Variants in HMGXB4 observed in about 807,000 individuals in gnomAD.
HMGXB4 encodes the protein HMG domain-containing protein 4.
HMGXB4 carries 27 observed loss-of-function variants against 63.9 expected under a neutral mutation model. That is an observed-to-expected ratio of 0.42 (90% confidence interval 0.31 to 0.58). The LOEUF (loss-of-function observed/expected upper bound fraction) is 0.58, where lower values mean the gene tolerates loss of function less well. Among genes scored for constraint, HMGXB4 ranks in the 20% least tolerant of loss-of-function variants. The pLI is 0.13. For missense variants in HMGXB4, 624 were observed against 700.7 expected, an observed-to-expected ratio of 0.89 and a Z score of 1.24; for synonymous variants, 264 against 265.3, an observed-to-expected ratio of 0.99 and a Z score of 0.05.
intron 2 of HMGXB4, 25 bp downstream of exon 2, chr22:35,262,446 A>T (rs773851793): frequency 3.7e-6 from 6 of 1,609,160 alleles, no homozygotes; most frequent in Non-Finnish European, 3.4e-6. Flanking sequence ...TCTGAGAAGC[A>T]TTCCAAAGGG....
chr22:35,246,461 G>A, the HMGXB4 span, among the ~76,000 whole-genome samples: 1 of 152,092 alleles, frequency 6.6e-6, no homozygotes, highest in Non-Finnish European at 1.5e-5. Flanking sequence ...TTTTAGTAGA[G>A]GCGGGGTTTC....
the HMGXB4 span, among the ~76,000 whole-genome samples, chr22:35,245,139 G>A: frequency 6.6e-5 from 10 of 151,926 alleles, no homozygotes; most frequent in East Asian, 3.9e-4. Context: ...CCCAAAATGC[G>A]GGGACTACAG....
At chr22:35,263,668 T>G in intron 3 of HMGXB4, 128 bp from the exon 4 acceptor site, 1 of 678,108 alleles carries the variant, frequency 1.5e-6, no homozygotes, top group Non-Finnish European at 2.7e-6. Context: ...AATAAAACGT[T>G]ATGCACATCT....
chr22:35,278,831 T>C (rs368503494), intron 5 of HMGXB4, among the ~76,000 whole-genome samples: 1 of 141,300 alleles, frequency 7.1e-6, no homozygotes, highest in African/African-American at 2.8e-5. Flanking sequence ...TAATTTTTTG[T>C]AAAGTTGGAG....
At chr22:35,255,984 A>G (rs754657876), upstream of HMGXB4, among the ~76,000 whole-genome samples, 3 of 152,250 alleles carry the variant, frequency 2.0e-5, no homozygotes, top group Non-Finnish European at 4.4e-5. Flanking sequence ...AAGTATTTGC[A>G]GTTACATTTT....
At chr22:35,263,526 A>G (rs1242710479) in intron 3 of HMGXB4, among the ~76,000 whole-genome samples, 1 of 151,794 alleles carries the variant, frequency 6.6e-6, no homozygotes, top group Non-Finnish European at 1.5e-5. Context: ...CAAATGATTC[A>G]CCTGCCTCCG....
chr22:35,252,298 G>C, the HMGXB4 span, among the ~76,000 whole-genome samples: 1 of 152,206 alleles, frequency 6.6e-6, no homozygotes, highest in Non-Finnish European at 1.5e-5. Flanking sequence ...ATTGCTAACT[G>C]TTGTATAGCT....
intron 4 of HMGXB4, 54 bp from the exon 5 acceptor site, chr22:35,264,594 T>G (rs1035835587): frequency 1.1e-5 from 14 of 1,285,724 alleles, no homozygotes; most frequent in Middle Eastern, 2.6e-4. Flanking sequence ...GAGAGGAAAC[T>G]TGTTAGAAGT....
chr22:35,257,042 T>C (rs1327817145), upstream of HMGXB4, among the ~76,000 whole-genome samples: 1 of 152,264 alleles, frequency 6.6e-6, no homozygotes, highest in African/African-American at 2.4e-5. Context: ...CAAATGTAGA[T>C]GCTGAAGTCC....
chr22:35,267,517 A>G (rs1338743289), intron 5 of HMGXB4, among the ~76,000 whole-genome samples: 31 of 152,172 alleles, frequency 2.0e-4, no homozygotes, highest in Non-Finnish European at 1.5e-5. Context: ...GCAGCAGAGT[A>G]AAATAACTAT....
Position 35,265,176 on chromosome 22 carries a change from G to T in HMGXB4, c.788G>T (p.Gly263Val). Residue 263 changes from glycine (G) to valine (V), a missense_variant, in exon 5 of 11, where the codon GGC becomes GTC. Gly to Val is a moderately radical substitution (Grantham distance 109). Transcript: ENST00000216106. ...TCCTCAGACGCACATTCATCTCCTGGCCCTGAAGGCTGTGGGTCTGACGCC... is the reference window on the plus strand; with the variant it reads ...TCCTCAGACGCACATTCATCTCCTGTCCCTGAAGGCTGTGGGTCTGACGCC... ...KSSSDAHSSPGPEGCGSDASQ... is the reference protein window; with the variant it reads ...KSSSDAHSSPVPEGCGSDASQ... 2 of 1,614,034 alleles carry T rather than the reference G, an allele frequency of 1.2e-6. No individual in the cohort carries two copies. Among genetic ancestry groups the T allele is most frequent in the South Asian group, 1.1e-5 (1 of 91,068 alleles).
intron 5 of HMGXB4, among the ~76,000 whole-genome samples, chr22:35,280,543 C>A (rs1924184421): frequency 6.6e-6 from 1 of 152,202 alleles, no homozygotes; most frequent in Non-Finnish European, 1.5e-5. Flanking sequence ...CTTCCCCGCA[C>A]TCCTGCAGCA....
intron 8 of HMGXB4, 110 bp downstream of exon 8, chr22:35,287,562 G>T: frequency 1.4e-6 from 1 of 701,824 alleles, no homozygotes. Context: ...TTGATTCCCA[G>T]GTATTATTAC....
At position 35,272,309 on chromosome 22, in the gene HMGXB4, C is replaced by T. The variant is rs190221984; in HGVS notation, c.1215+6706C>T. On this transcript the variant is annotated intron_variant, in intron 5 of 10. Transcript: ENST00000216106. ...GATCAGGGGTTGAGGAAAGAGTGAG[C>T]GGTGTGGAAGTGAACGCAGCAGCGG... is the stretch of plus-strand genomic sequence containing the variant. Among the ~76,000 whole-genome samples the T allele has an allele frequency of 3.0e-4, 46 of 152,064 alleles. No homozygotes were observed. In the East Asian group the frequency reaches 8.5e-3, roughly 28 times the overall value.
chr22:35,247,136 T>C, the HMGXB4 span, among the ~76,000 whole-genome samples: 2 of 152,210 alleles, frequency 1.3e-5, no homozygotes, highest in Admixed American at 6.5e-5. Context: ...AATTTTACCT[T>C]GTTTGGGCAC....
chr22:35,289,168 C>T (rs944634498), intron 9 of HMGXB4, among the ~76,000 whole-genome samples: 6 of 149,138 alleles, frequency 4.0e-5, no homozygotes, highest in East Asian at 2.0e-4. Flanking sequence ...GAAAGAAAAA[C>T]GCAGTGGTGG....
At chr22:35,278,788 A>G (rs1601636567) in intron 5 of HMGXB4, among the ~76,000 whole-genome samples, 2 of 151,414 alleles carry the variant, frequency 1.3e-5, no homozygotes, top group East Asian at 3.9e-4. Flanking sequence ...AGCTGGGGCT[A>G]CAAGCATGCA....
At chr22:35,274,038 G>C (rs893518093) in intron 5 of HMGXB4, among the ~76,000 whole-genome samples, 1 of 152,172 alleles carries the variant, frequency 6.6e-6, no homozygotes, top group Non-Finnish European at 1.5e-5. Flanking sequence ...ATCCTCCCAG[G>C]CAGTAAGGAC....
intron 1 of HMGXB4, among the ~76,000 whole-genome samples, chr22:35,259,775 G>A (rs1041959551): frequency 6.6e-6 from 1 of 152,184 alleles, no homozygotes; most frequent in Non-Finnish European, 1.5e-5. Flanking sequence ...TGAATTGGAC[G>A]TGTCTTCAGG....
Sources: gnomAD v4.1 joint callset for allele counts (sites outside exome capture counted in the v4.1 genomes callset) on GRCh38, gnomAD v4.1.1 for gene constraint, MANE v1.5 for transcripts, NCBI Gene and HGNC (gene_info 2026-07-23, HGNC 2026-07-21) for gene names.